The following MYBPC2 variants were observed in gnomAD, a reference collection of about 807,000 sequenced individuals.
The protein encoded by MYBPC2 is myosin-binding protein C, fast-type.
In MYBPC2, 122 loss-of-function variants were observed where a neutral mutation model predicts 137.0. That is an observed-to-expected ratio of 0.89 (90% CI 0.77 to 1.03). MYBPC2 has a LOEUF of 1.03. MYBPC2 is among the 50% of genes least tolerant of loss of function. MYBPC2 has a pLI of 0.00. For missense variants in MYBPC2, 1,500 were observed against 1,534.4 expected (o/e 0.98, Z 0.37); for synonymous variants, 626 against 612.3 (o/e 1.02, Z -0.33).
intron 17 of MYBPC2, 27 bp from the exon 18 acceptor site, chr19:50,454,238 G>A (rs2039887037): frequency 1.2e-6 from 2 of 1,613,712 alleles, no homozygotes; most frequent in Admixed American, 1.7e-5. Context: ...GCCTCGAGGG[G>A]CCACCTGACT....
rs185149043 is a variant in MYBPC2 at position 50,462,277 on chromosome 19, C to T, written c.3228+241C>T. Among the ~76,000 whole-genome samples the T allele has an allele frequency of 1.4e-3, 219 of 151,494 alleles. 4 individuals carry two copies. Among genetic ancestry groups the T allele is most frequent in the Admixed American group, 0.014 (218 of 15,230 alleles). On this transcript the variant is annotated intron_variant, in intron 26 of 27. Transcript: ENST00000357701. ...TCACAGCTCACTGCAACTTTGACCT[C>T]CTGGGTTCAAGTGATCCTCCTACCT...
In MYBPC2 at chr19:50,432,968, A is replaced by G; in HGVS notation, c.15A>G (p.Lys5=). Residue 5 remains lysine, a synonymous_variant, in exon 1 of 28, where the codon AAA becomes AAG. Transcript: ENST00000357701. The surrounding 1 kb of genome is among the most constrained non-coding windows in gnomAD (Gnocchi z 5.5). MPEA[K]PAAKKAPKGK... The stretch of plus-strand genomic sequence containing the variant: ...GGTCCCCCGACATGCCTGAGGCAAA[A>G]CCAGGTGGCGCCAGGACCCCCTCCC... 6.2e-7 allele frequency: 1 copy of G among 1,602,956 alleles called. No homozygotes were observed. The highest frequency in any genetic ancestry group is 8.5e-7 in the Non-Finnish European group (1 of 1,175,930).
rs1016914605 is a variant in MYBPC2, at chr19:50,459,177, G to T, written c.2662G>T (p.Val888Leu). 1.2e-6 allele frequency: 2 copies of T among 1,606,032 alleles called. No homozygotes were observed. Among genetic ancestry groups the T allele is most frequent in the Admixed American group, 1.7e-5 (1 of 59,446 alleles). Residue 888 changes from valine (V) to leucine (L), a missense_variant, in exon 23 of 28, where the codon GTG becomes TTG. Val to Leu is a conservative substitution (Grantham distance 32). Coordinates refer to ENST00000357701, the MANE Select transcript of MYBPC2 (RefSeq NM_004533.4). ...GAPLDTSRVH[V>L]RTSDFDTVFF... ...CCCGCTGGACACCTCCCGCGTGCAC[G>T]TGCGGACCAGCGACTTCGACACCGT...
In MYBPC2 at chr19:50,436,111, A is replaced by G; in HGVS notation, c.296A>G (p.Lys99Arg). ...GGGAAGTGGCTGGAGCTGGGCAGCAAGAGTGGCGCCCGCTTCTCCTTCAAG... is the reference window on the plus strand; with the variant it reads ...GGGAAGTGGCTGGAGCTGGGCAGCAGGAGTGGCGCCCGCTTCTCCTTCAAG... ...FKGKWLELGS[K>R]SGARFSFKES... is the part of the protein sequence containing the mutation. The change falls in exon 4 of 28, where the codon AAG becomes AGG. Residue 99 changes from lysine (K) to arginine (R), a missense_variant. By Grantham distance (26) the Lys-to-Arg change is conservative. Coordinates refer to ENST00000357701, the MANE Select transcript of MYBPC2 (RefSeq NM_004533.4). 4 of 1,581,916 alleles carry G rather than the reference A, an allele frequency of 2.5e-6. No individual in the cohort carries two copies. Among genetic ancestry groups the G allele is most frequent in the Non-Finnish European group, 3.4e-6 (4 of 1,164,514 alleles).
In MYBPC2 at chr19:50,464,415, C is replaced by G. The variant is rs111796788; in HGVS notation, c.3298C>G (p.Gln1100Glu). Residue 1100 changes from glutamine (Q) to glutamate (E), a missense_variant, in exon 27 of 28, where the codon CAA becomes GAA. Coordinates refer to ENST00000357701, the MANE Select transcript of MYBPC2 (RefSeq NM_004533.4). Reference protein sequence around the residue: ...EDPKFLITNYQGVLTLNIRRP... With the variant: ...EDPKFLITNYEGVLTLNIRRP... ...TCCCAAGTTCCTGATAACCAATTAC[C>G]AAGGAGTCCTGACGCTGAACATCCG... The G allele has an allele frequency of 6.2e-7, 1 of 1,611,464 alleles. No individual in the cohort carries two copies. The highest frequency in any genetic ancestry group is 2.2e-5 in the East Asian group (1 of 44,834).
In MYBPC2 at chr19:50,459,788, C is replaced by T. The variant is rs570603968; in HGVS notation, c.2792-252C>T. On this transcript the variant is annotated intron_variant, in intron 23 of 27. Transcript: ENST00000357701. ...GGAGGAGAGATGAAGATGGGGGAAC[C>T]CTTGAGAGGGAGATTGGGTGAAGAG... Among the ~76,000 whole-genome samples the T allele has an allele frequency of 2.3e-3, 286 of 124,510 alleles. 3 individuals are homozygous for T. Among genetic ancestry groups the T allele is most frequent in the African/African-American group, 8.6e-3 (273 of 31,664 alleles). 81.7% of individuals were successfully genotyped at this position (124,510 alleles called of 152,430 possible). A position where few individuals can be genotyped will look rare whatever the true frequency, so the allele number is the denominator to read the frequency against.
chr19:50,459,648 AGAGATGAGGGATGGGAGAGGAGGTGAG>A (rs2039953291), intron 23 of MYBPC2, among the ~76,000 whole-genome samples: 2 of 59,642 alleles, frequency 3.4e-5, no homozygotes, highest in Non-Finnish European at 6.2e-5. Flanking sequence ...AGAGGAGGTG[AGAGATGAGGGATGGGAGAGGAGGTGAG>A]GAGATGAGGA....
At chr19:50,451,122 C>T (rs2122599739) in intron 14 of MYBPC2, among the ~76,000 whole-genome samples, 158 bp from the exon 15 acceptor site, 1 of 152,256 alleles carries the variant, frequency 6.6e-6, no homozygotes, top group South Asian at 2.1e-4. Flanking sequence ...CCACCTGCCG[C>T]CCGGGAGGAG....
chr19:50,460,177 ATGG>A lies in MYBPC2; in HGVS notation c.2931+1_2931+3del, dbSNP rs750305227. The A allele has an allele frequency of 3.1e-6, 5 of 1,603,042 alleles. No homozygotes were observed. The South Asian group carries it at 5.6e-5, about 18-fold the overall frequency. Reference sequence around the variant, plus strand: ...CGTCCAGAAAGCAGACAAAAAAACCATGGTGAGAGAGCAGAGGGGGAGATGGGG... The same window carrying A: ...CGTCCAGAAAGCAGACAAAAAAACCATGAGAGAGCAGAGGGGGAGATGGGG... On this transcript the variant is annotated splice_donor_variant and coding_sequence_variant, in exon 24 of 28. Coordinates refer to ENST00000357701, the MANE Select transcript of MYBPC2 (RefSeq NM_004533.4). LOFTEE classifies it high-confidence loss of function.
At chr19:50,449,967 C>A (rs996084519) in intron 13 of MYBPC2, among the ~76,000 whole-genome samples, 3 of 151,918 alleles carry the variant, frequency 2.0e-5, no homozygotes, top group African/African-American at 7.3e-5. Flanking sequence ...ACCAGCCTGG[C>A]CAACATGGTG....
intron 18 of MYBPC2, among the ~76,000 whole-genome samples, chr19:50,454,822 C>T (rs112203936): frequency 1.1e-3 from 160 of 152,232 alleles, no homozygotes; most frequent in African/African-American, 3.7e-3. Flanking sequence ...CTTTGGTCTT[C>T]CCGCTTCCTT....
At chr19:50,436,220 T>C (rs1036249693) in intron 4 of MYBPC2, 60 bp downstream of exon 4, 1 of 1,530,322 alleles carries the variant, frequency 6.5e-7, no homozygotes, top group Non-Finnish European at 8.8e-7. Context: ...CAGGACATGC[T>C]CCTCAGAAGC....
At chr19:50,463,668 G>C (rs1294421701) in intron 26 of MYBPC2, among the ~76,000 whole-genome samples, 1 of 152,184 alleles carries the variant, frequency 6.6e-6, no homozygotes, top group Non-Finnish European at 1.5e-5. Context: ...GCCAGACACG[G>C]TGGCTCACAC....
At position 50,461,611 on chromosome 19, in the gene MYBPC2, G is replaced by C; in HGVS notation, c.3001G>C (p.Glu1001Gln). 1 of 1,613,650 alleles carries C rather than the reference G, an allele frequency of 6.2e-7. No homozygotes were observed. Among genetic ancestry groups the C allele is most frequent in the Non-Finnish European group, 8.5e-7 (1 of 1,179,822 alleles). ...TGTGTCCGACCTTATCGTGGGCAAT[G>C]AATACTATTTCCGAGTTTACACCGA... is the stretch of plus-strand genomic sequence containing the variant. ...CTVSDLIVGN[E>Q]YYFRVYTENI... Residue 1001 changes from glutamate to glutamine, a missense_variant, in exon 25 of 28, where the codon GAA (glutamate) becomes CAA (glutamine). By Grantham distance (29) the Glu-to-Gln change is conservative (BLOSUM62 2). Transcript: ENST00000357701.
chr19:50,457,061 C>G (rs1317340189), intron 20 of MYBPC2, among the ~76,000 whole-genome samples: 1 of 152,226 alleles, frequency 6.6e-6, no homozygotes, highest in African/African-American at 2.4e-5. Flanking sequence ...AACCTTGCCC[C>G]TCCACTGTCT....
In MYBPC2 at chr19:50,440,884, G is replaced by A. The variant is rs748547610; in HGVS notation, c.577G>A (p.Val193Met). ...GTCCGTTCCCCCACCCGCCAGGGAG[G>A]TGGTGGAGGAGGAGAAGAAGAAGAA... ...DFSGLLKKRE[V>M]VEEEKKKKKK... Residue 193 changes from valine to methionine, a missense_variant, in exon 8 of 28, where the codon GTG becomes ATG. Coordinates refer to ENST00000357701, the MANE Select transcript of MYBPC2 (RefSeq NM_004533.4). The A allele has an allele frequency of 6.2e-7, 1 of 1,612,410 alleles. No individual in the cohort carries two copies. The highest frequency in any genetic ancestry group is 1.7e-5 in the Admixed American group (1 of 59,824).
rs2039798994 is a variant in MYBPC2, at chr19:50,445,869, C to A, written c.1134-11C>A. ...TCTCCTCACATCCCGTTCTGTGTCT[C>A]ACCCACCTAGGATGAAAGATGGTGT... is the stretch of plus-strand genomic sequence containing the variant. On this transcript the variant is annotated splice_polypyrimidine_tract_variant and intron_variant, in intron 11 of 27. Coordinates refer to ENST00000357701, the MANE Select transcript of MYBPC2 (RefSeq NM_004533.4). The A allele has an allele frequency of 1.3e-6, 2 of 1,597,846 alleles. No homozygotes were observed. Among genetic ancestry groups the A allele is most frequent in the Non-Finnish European group, 1.7e-6 (2 of 1,172,098 alleles).
intron 7 of MYBPC2, among the ~76,000 whole-genome samples, chr19:50,439,847 G>A (rs1486793354): frequency 2.0e-5 from 3 of 152,358 alleles, no homozygotes; most frequent in African/African-American, 4.8e-5. Context: ...CCCAGAGCAC[G>A]AGCAACTCAC....
intron 22 of MYBPC2, 38 bp from the exon 23 acceptor site, chr19:50,459,073 C>G: frequency 6.4e-7 from 1 of 1,554,132 alleles, no homozygotes; most frequent in East Asian, 2.4e-5. Flanking sequence ...GCGGGTGGAG[C>G]CCCGCTGACC....
Sources: allele counts gnomAD v4.1 joint callset (sites outside exome capture counted in the v4.1 genomes callset), GRCh38; gene constraint gnomAD v4.1.1; non-coding constraint Gnocchi (gnomAD v3.1); transcripts MANE v1.5; gene names NCBI Gene and HGNC (gene_info 2026-07-23, HGNC 2026-07-21).